Variants in PPM1L observed in about 807,000 individuals in gnomAD.
PPM1L encodes protein phosphatase 1L.
A neutral mutation model predicts 31.4 loss-of-function variants in PPM1L; 13 were observed. The observed-to-expected ratio is 0.41, with a 90% CI of 0.27 to 0.66. PPM1L has a LOEUF of 0.66. Ranked by LOEUF, PPM1L falls within the 30% of genes least tolerant of loss-of-function variation. PPM1L has a pLI of 0.29. For synonymous variants in PPM1L, 184 were observed against 175.4 expected, an observed-to-expected ratio of 1.05 and a Z score of -0.39; for missense variants, 326 against 453.7, an observed-to-expected ratio of 0.72 and a Z score of 2.56.
At chr3:161,057,473 TA>T (rs1451235164) in intron 2 of PPM1L, among the ~76,000 whole-genome samples, 1 of 152,056 alleles carries the variant, frequency 6.6e-6, no homozygotes, top group Non-Finnish European at 1.5e-5. Flanking sequence ...ACTTTATTGT[TA>T]TACAAAGGGG....
At chr3:160,993,179 CT>C (rs1717191630) in intron 2 of PPM1L, among the ~76,000 whole-genome samples, 1 of 151,642 alleles carries the variant, frequency 6.6e-6, no homozygotes, top group Non-Finnish European at 1.5e-5. Flanking sequence ...ATATTATATG[CT>C]AATAAGTAAA....
rs543329859 is a variant in PPM1L at position 160,867,635 on chromosome 3, C to T, written c.400-94101C>T. ...ATTGCAAACAGACAACTGTAAACCT[C>T]AAGTTTTTGTTAATGAAGTACTTGA... On this transcript the variant is annotated intron_variant, in intron 1 of 3. Coordinates refer to ENST00000498165, the MANE Select transcript of PPM1L (RefSeq NM_139245.4). Among the ~76,000 whole-genome samples the T allele has an allele frequency of 2.6e-5, 4 of 152,116 alleles. No homozygotes were observed. In the South Asian group the frequency reaches 8.3e-4, roughly 32 times the overall value.
chr3:160,820,992 C>T (rs1002898459), intron 1 of PPM1L, among the ~76,000 whole-genome samples: 5 of 151,954 alleles, frequency 3.3e-5, no homozygotes, highest in African/African-American at 1.2e-4. Flanking sequence ...TTGTTTGAAC[C>T]AGTTTATACC....
At chr3:160,757,247 C>T (rs964483287) in intron 1 of PPM1L, among the ~76,000 whole-genome samples, 2 of 152,228 alleles carry the variant, frequency 1.3e-5, no homozygotes, top group African/African-American at 2.4e-5. Flanking sequence ...GGCAGCTCTG[C>T]GCTTCTTTCC....
At position 160,808,308 on chromosome 3, in the gene PPM1L, T is replaced by TGTGTGC. The variant is rs1317831009; in HGVS notation, c.399+51606_399+51607insCGTGTG. Among the ~76,000 whole-genome samples the TGTGTGC allele has an allele frequency of 1.1e-4, 16 of 150,520 alleles. 1 individual carries two copies. The highest frequency in any genetic ancestry group is 3.7e-4 in the African/African-American group (15 of 40,208). On this transcript the variant is annotated intron_variant, in intron 1 of 3. Coordinates refer to ENST00000498165, the MANE Select transcript of PPM1L (RefSeq NM_139245.4). ...TTTCCTCTGTGTGTGTGTGTGTGTG[T>TGTGTGC]GTGTGTGTGTGTGCGTGCATGTGTG...
intron 2 of PPM1L, among the ~76,000 whole-genome samples, chr3:161,043,773 A>C (rs1456594599): frequency 6.6e-6 from 1 of 152,184 alleles, no homozygotes; most frequent in Non-Finnish European, 1.5e-5. Flanking sequence ...GATGCACTGG[A>C]AACATTGCGT....
At chr3:161,009,519 T>G (rs1431565404) in intron 2 of PPM1L, among the ~76,000 whole-genome samples, 2 of 152,202 alleles carry the variant, frequency 1.3e-5, no homozygotes, top group Non-Finnish European at 2.9e-5. Flanking sequence ...CATACTATAT[T>G]TGTTACCTAA....
intron 1 of PPM1L, among the ~76,000 whole-genome samples, chr3:160,932,915 T>C (rs1358545088): frequency 6.6e-6 from 1 of 152,212 alleles, no homozygotes; most frequent in Non-Finnish European, 1.5e-5. Flanking sequence ...TGATAAACAC[T>C]GTGAAAATGC....
At chr3:160,766,125 T>C (rs1339638075) in intron 1 of PPM1L, among the ~76,000 whole-genome samples, 3 of 152,216 alleles carry the variant, frequency 2.0e-5, no homozygotes, top group Non-Finnish European at 4.4e-5. Context: ...GATAATCCCT[T>C]TTATAGCTTT....
In PPM1L at chr3:161,077,156, C is replaced by T. The variant is rs946060637; in HGVS notation, c.*7999C>T. 1.3e-5 allele frequency: 2 copies of T among 152,148 alleles called. No homozygotes were observed. The highest frequency in any genetic ancestry group is 4.8e-5 in the African/African-American group (2 of 41,432). The allele number at this position is 152,148 out of a possible 1,614,324, so 9.4% of individuals were successfully genotyped here. ...AAATTGTTATCTTCATGATTTCTTC[C>T]AATGGGCTTAGATTTGTTGGGACAG... On this transcript the variant is annotated 3_prime_UTR_variant, in exon 4 of 4. Coordinates refer to ENST00000498165, the MANE Select transcript of PPM1L (RefSeq NM_139245.4).
chr3:160,916,136 G>A (rs1714171791), intron 1 of PPM1L, among the ~76,000 whole-genome samples: 1 of 152,038 alleles, frequency 6.6e-6, no homozygotes. Context: ...TACAGAATGG[G>A]AGAAAATTTT....
At chr3:160,916,888 G>T (rs184590892) in intron 1 of PPM1L, among the ~76,000 whole-genome samples, 1 of 152,130 alleles carries the variant, frequency 6.6e-6, no homozygotes. Context: ...CAATTTAAAA[G>T]TAACTTAGAA....
Position 160,921,347 on chromosome 3 carries a change from T to C in PPM1L, c.400-40389T>C, listed in dbSNP as rs529062565. Among the ~76,000 whole-genome samples, 12 of 152,332 alleles carry C rather than the reference T, an allele frequency of 7.9e-5. No individual in the cohort carries two copies. In the South Asian group the frequency reaches 2.5e-3, roughly 32 times the overall value. Reference sequence around the variant, plus strand: ...TATGTTATCCAGGGTGATTTTTATATGTGACAAAAAGACTATTAATAAGGT... The same window carrying C: ...TATGTTATCCAGGGTGATTTTTATACGTGACAAAAAGACTATTAATAAGGT... On this transcript the variant is annotated intron_variant, in intron 1 of 3. Transcript: ENST00000498165.
At chr3:161,014,063 T>C (rs1717989555) in intron 2 of PPM1L, among the ~76,000 whole-genome samples, 1 of 152,216 alleles carries the variant, frequency 6.6e-6, no homozygotes, top group African/African-American at 2.4e-5. Context: ...GATCCTGTCA[T>C]TGTGATGTTA....
At chr3:161,058,118 CTTTTTTTTTTT>C (rs1186931971) in intron 2 of PPM1L, among the ~76,000 whole-genome samples, 4 of 54,926 alleles carry the variant, frequency 7.3e-5, no homozygotes, top group African/African-American at 2.4e-4. Flanking sequence ...ATTTTCTTTC[CTTTTTTTTTTT>C]TTTTTTTTTT....
chr3:160,886,120 C>T (rs1046035742), intron 1 of PPM1L, among the ~76,000 whole-genome samples: 4 of 152,234 alleles, frequency 2.6e-5, no homozygotes, highest in Non-Finnish European at 5.9e-5. Context: ...CAGGCCTGAC[C>T]CTGACTCATA....
chr3:160,760,369 T>C (rs1413111996), intron 1 of PPM1L, among the ~76,000 whole-genome samples: 2 of 152,110 alleles, frequency 1.3e-5, no homozygotes, highest in Non-Finnish European at 2.9e-5. Flanking sequence ...GGCAAAGATA[T>C]GTCTCTGGAC....
intron 2 of PPM1L, among the ~76,000 whole-genome samples, chr3:161,005,981 T>C (rs1317267455): frequency 6.6e-6 from 1 of 151,500 alleles, no homozygotes; most frequent in Non-Finnish European, 1.5e-5. Context: ...TAAAAAAACA[T>C]AAAAAAATAC....
At chr3:160,951,330 A>C (rs1715570906) in intron 1 of PPM1L, among the ~76,000 whole-genome samples, 1 of 152,230 alleles carries the variant, frequency 6.6e-6, no homozygotes, top group Non-Finnish European at 1.5e-5. Flanking sequence ...TGAGGGGCAA[A>C]GAATTCATCA....
Sources: gnomAD v4.1 joint callset for allele counts (sites outside exome capture counted in the v4.1 genomes callset) on GRCh38, gnomAD v4.1.1 for gene constraint, MANE v1.5 for transcripts, NCBI Gene and HGNC (gene_info 2026-07-23, HGNC 2026-07-21) for gene names.